CC2D2A: variants seen among roughly 807,000 people sequenced by gnomAD.
CC2D2A encodes coiled-coil and C2 domain containing 2A, also known as coiled-coil and C2 domain-containing protein 2A.
Under a neutral mutation model 212.9 loss-of-function variants are expected in CC2D2A, and 155 were observed. The observed-to-expected ratio is 0.73, with a 90% CI of 0.64 to 0.83. CC2D2A has a LOEUF of 0.83. Ranked by LOEUF, CC2D2A falls within the 40% of genes least tolerant of loss-of-function variation. The probability of loss-of-function intolerance (pLI) is 0.00; values close to 1 mark genes in which losing one functional copy is unlikely to be tolerated. For missense variants in CC2D2A, 1,856 were observed against 1,956.2 expected, an observed-to-expected ratio of 0.95 and a Z score of 0.97; for synonymous variants, 667 against 686.5, an observed-to-expected ratio of 0.97 and a Z score of 0.44.
At chr4:15,570,372 A>G in intron 27 of CC2D2A, 26 bp from the exon 28 acceptor site, 1 of 1,439,546 alleles carries the variant, frequency 6.9e-7, no homozygotes, top group Non-Finnish European at 9.6e-7. Context: ...TTCTTAAGCA[A>G]TTATTACTTC....
chr4:15,562,226 G>A (rs1447876263), intron 23 of CC2D2A, among the ~76,000 whole-genome samples: 1 of 152,208 alleles, frequency 6.6e-6, no homozygotes, highest in East Asian at 1.9e-4. Context: ...AGGGGCTCCA[G>A]TCAAGAGGTC....
intron 11 of CC2D2A, among the ~76,000 whole-genome samples, chr4:15,521,899 T>G (rs1184398296): frequency 6.6e-6 from 1 of 152,184 alleles, no homozygotes; most frequent in Non-Finnish European, 1.5e-5. Context: ...GAGTGCCAAA[T>G]CAAAAGTTGG....
intron 4 of CC2D2A, among the ~76,000 whole-genome samples, chr4:15,488,882 A>G (rs977781307): frequency 1.3e-5 from 2 of 152,234 alleles, no homozygotes; most frequent in African/African-American, 4.8e-5. Flanking sequence ...TTGCCTTCTA[A>G]TCTGCTCTTC....
At chr4:15,580,226 A>G (rs1720601431) in intron 30 of CC2D2A, 55 bp downstream of exon 30, 1 of 1,299,686 alleles carries the variant, frequency 7.7e-7, no homozygotes, top group South Asian at 1.2e-5. Context: ...ACATTTCAAT[A>G]TATTGCCATT....
intron 35 of CC2D2A, among the ~76,000 whole-genome samples, chr4:15,598,640 CAA>C (rs1329561586): frequency 4.6e-5 from 7 of 152,028 alleles, no homozygotes; most frequent in Non-Finnish European, 1.0e-4. Flanking sequence ...GTACTTATCA[CAA>C]ACAGTTTCAA....
At chr4:15,472,412 T>C (rs1713892338) in intron 1 of CC2D2A, among the ~76,000 whole-genome samples, 1 of 152,202 alleles carries the variant, frequency 6.6e-6, no homozygotes, top group Admixed American at 6.5e-5. Flanking sequence ...GCAAACTGCA[T>C]ATTAAAACCA....
intron 33 of CC2D2A, 53 bp downstream of exon 33, chr4:15,589,732 A>G (rs1426073793): frequency 1.7e-5 from 22 of 1,286,152 alleles, no homozygotes; most frequent in Non-Finnish European, 2.1e-5. Flanking sequence ...TCTTTTAAAT[A>G]ACTGACCTAT....
Position 15,502,371 on chromosome 4 carries a change from T to TTTTTC in CC2D2A, c.248-48_248-44dup, listed in dbSNP as rs144502190. 212,431 of 1,381,540 alleles carry TTTTTC rather than the reference T, an allele frequency of 0.15. 18,768 individuals are homozygous for TTTTTC. The highest frequency in any genetic ancestry group is 0.35 in the Admixed American group (14,365 of 40,818). The allele number at this position is 1,381,540 out of a possible 1,614,324, so 85.6% of individuals were successfully genotyped here. On this transcript the variant is annotated intron_variant, in intron 4 of 36. Transcript: ENST00000424120. ...GGGAATTGTTTTAAAGTAATTTTCC[T>TTTTTC]TTTTCTTTTCTTTTTCTTTTTTTTT... is the stretch of plus-strand genomic sequence containing the variant.
intron 1 of CC2D2A, among the ~76,000 whole-genome samples, chr4:15,474,449 G>A (rs1714034966): frequency 6.6e-6 from 1 of 152,056 alleles, no homozygotes; most frequent in Admixed American, 6.5e-5. Context: ...GCTGGGAAAT[G>A]TAGTCAGGGG....
At chr4:15,583,868 G>A (rs537353410) in intron 30 of CC2D2A, among the ~76,000 whole-genome samples, 4 of 151,136 alleles carry the variant, frequency 2.6e-5, no homozygotes, top group East Asian at 1.9e-4. Flanking sequence ...GGAGAATGGC[G>A]TGAACCTGGG....
intron 4 of CC2D2A, chr4:15,481,768 A>G (rs1714681055): frequency 1.0e-6 from 1 of 982,670 alleles, no homozygotes; most frequent in South Asian, 4.7e-5. Flanking sequence ...AACAATACAT[A>G]AGTTAGGGAG....
intron 29 of CC2D2A, among the ~76,000 whole-genome samples, chr4:15,575,569 A>T (rs1277039656): frequency 6.6e-6 from 1 of 152,230 alleles, no homozygotes; most frequent in East Asian, 1.9e-4. Context: ...AGAGATGGAA[A>T]AAAACAAACA....
chr4:15,487,296 T>C (rs1715049798), intron 4 of CC2D2A, among the ~76,000 whole-genome samples: 1 of 152,104 alleles, frequency 6.6e-6, no homozygotes, highest in Non-Finnish European at 1.5e-5. Flanking sequence ...GCTCTAATAA[T>C]ATTTGCTTTA....
chr4:15,582,832 T>TAAC (rs1337746121), intron 30 of CC2D2A, among the ~76,000 whole-genome samples: 1 of 151,448 alleles, frequency 6.6e-6, no homozygotes, highest in Non-Finnish European at 1.5e-5. Flanking sequence ...GGAACTCTGT[T>TAAC]AAAGTCATTT....
chr4:15,527,406 GCTTT>G, intron 11 of CC2D2A, 37 bp from the exon 12 acceptor site: 3 of 1,445,968 alleles, frequency 2.1e-6, no homozygotes, highest in Non-Finnish European at 2.9e-6. Flanking sequence ...TCTAGTAAGT[GCTTT>G]AACTGTGTTC....
At chr4:15,560,718 T>A (rs1316628490) in intron 23 of CC2D2A, 96 bp downstream of exon 23, 7 of 604,570 alleles carry the variant, frequency 1.2e-5, no homozygotes, top group Non-Finnish European at 2.0e-5. Context: ...TTAAAAATCA[T>A]CGTATGGTAT....
rs1378745313 is a variant in CC2D2A, at chr4:15,536,801, G to GT, written c.1608-118dup. ...GCCTCACAGGATTGTGAGTTTACAT[G>GT]TGCGACATTTTTAGAAGAGGAACTG... On this transcript the variant is annotated intron_variant, in intron 14 of 36. Coordinates refer to ENST00000424120, the MANE Select transcript of CC2D2A (RefSeq NM_001378615.1). The GT allele has an allele frequency of 2.3e-5, 20 of 880,550 alleles. No homozygotes were observed. The South Asian group carries it at 3.4e-4, about 15-fold the overall frequency. The allele number at this position is 880,550 out of a possible 1,614,324, so 54.5% of individuals were successfully genotyped here.
In CC2D2A at chr4:15,502,514, G is replaced by A. The variant is rs200273579; in HGVS notation, c.333G>A (p.Ala111=). 37 of 1,597,228 alleles carry A rather than the reference G, an allele frequency of 2.3e-5. No homozygotes were observed. The highest frequency in any genetic ancestry group is 5.4e-5 in the African/African-American group (4 of 73,904). ...RGRMREKLQA[A]RSKAESALLQ... ...GCATGAGGGAGAAATTGCAAGCAGC[G>A]AGGGTGAGAGAAACCACATGAATAT... The change falls in exon 5 of 37, where the codon GCG becomes GCA. Residue 111 remains alanine (A), a synonymous_variant. Coordinates refer to ENST00000424120, the MANE Select transcript of CC2D2A (RefSeq NM_001378615.1).
In CC2D2A at chr4:15,475,733, T is replaced by C. The variant is rs922618224; in HGVS notation, c.-18-182T>C. 3.9e-5 allele frequency among the ~76,000 whole-genome samples: 6 copies of C among 152,090 alleles called. 1 individual carries two copies. The South Asian group carries it at 1.2e-3, about 32-fold the overall frequency. On this transcript the variant is annotated intron_variant, in intron 1 of 36. Transcript: ENST00000424120. ...CAGGGACAGGGAGACCTGGCATCCTTCCTTTCCTCTGGCACTTATCTCCAC... is the reference window on the plus strand; with the variant it reads ...CAGGGACAGGGAGACCTGGCATCCTCCCTTTCCTCTGGCACTTATCTCCAC...
Sources: gnomAD v4.1 joint callset for allele counts (sites outside exome capture counted in the v4.1 genomes callset) on GRCh38, gnomAD v4.1.1 for gene constraint, MANE v1.5 for transcripts, NCBI Gene and HGNC (gene_info 2026-07-23, HGNC 2026-07-21) for gene names.